The following ADAM28 variants were observed in gnomAD, a reference collection of about 807,000 sequenced individuals.
ADAM28 encodes disintegrin and metalloproteinase domain-containing protein 28.
Under a neutral mutation model 101.2 loss-of-function variants are expected in ADAM28, and 105 were observed. The ratio of observed to expected loss-of-function variants is 1.04; its 90% confidence interval spans 0.89 to 1.22. ADAM28 has a LOEUF of 1.22. ADAM28 is among the 50% of genes most tolerant of loss of function. The probability of loss-of-function intolerance (pLI) is 0.00; values close to 1 mark genes in which losing one functional copy is unlikely to be tolerated. For missense variants in ADAM28, 1,028 were observed against 945.4 expected (o/e 1.09, Z -1.15); for synonymous variants, 322 against 310.6 (o/e 1.04, Z -0.39).
chr8:24,339,849 C>G (rs1814551484), intron 15 of ADAM28, among the ~76,000 whole-genome samples: 1 of 152,122 alleles, frequency 6.6e-6, no homozygotes, highest in African/African-American at 2.4e-5. Flanking sequence ...TGTGATGGAA[C>G]ATGCCACAAA....
In ADAM28 at chr8:24,331,260, T is replaced by A; in HGVS notation, c.1214T>A (p.Ile405Lys). The A allele has an allele frequency of 1.9e-6, 3 of 1,612,896 alleles. No homozygotes were observed. Among genetic ancestry groups the A allele is most frequent in the Non-Finnish European group, 2.5e-6 (3 of 1,179,366 alleles). The change falls in exon 12 of 23, where the codon ATA (isoleucine) becomes AAA (lysine). Residue 405 changes from isoleucine (I) to lysine (K), a missense_variant. Transcript: ENST00000265769. ...AATGCTCCATTGCCTACAGATATCA[T>A]ATCCACTCCAATTTGTGGGAACCAG... ...LFNAPLPTDI[I>K]STPICGNQLV...
In ADAM28 at chr8:24,313,526, G is replaced by A; in HGVS notation, c.522G>A (p.Val174=). ...ACAGCACCTGTGGGATGGATGGTGTGTTGTGGGCCCACGATTTGCAGCAGA... is the reference window on the plus strand; with the variant it reads ...ACAGCACCTGTGGGATGGATGGTGTATTGTGGGCCCACGATTTGCAGCAGA... ...NYDSTCGMDG[V]LWAHDLQQNI... is the part of the protein sequence containing the mutation. Residue 174 remains valine (V), a synonymous_variant, in exon 6 of 23, where the codon GTG becomes GTA. Coordinates refer to ENST00000265769, the MANE Select transcript of ADAM28 (RefSeq NM_014265.6). The A allele has an allele frequency of 6.2e-7, 1 of 1,613,898 alleles. No individual in the cohort carries two copies. Among genetic ancestry groups the A allele is most frequent in the South Asian group, 1.1e-5 (1 of 91,076 alleles).
intron 7 of ADAM28, 83 bp from the exon 8 acceptor site, chr8:24,321,135 A>C (rs1343921972): frequency 1.3e-6 from 1 of 742,288 alleles, no homozygotes; most frequent in Non-Finnish European, 2.3e-6. Context: ...AATAATAAGT[A>C]ATATAAGAGA....
Position 24,323,883 on chromosome 8 carries a change from G to A in ADAM28, c.770G>A (p.Trp257Ter), listed in dbSNP as rs760553934. The A allele has an allele frequency of 1.2e-6, 2 of 1,612,066 alleles. No individual in the cohort carries two copies. Among genetic ancestry groups the A allele is most frequent in the South Asian group, 1.1e-5 (1 of 91,016 alleles). The change falls in exon 9 of 23, where the codon TGG becomes TAG. Residue 257 changes from tryptophan (W) to a stop codon, truncating the protein, a stop_gained. Transcript: ENST00000265769. LOFTEE classifies it high-confidence loss of function. ...GTGGCCTTAGTTGGTATGGAAATCTGGACTGACAAGGATAAGATAAAGATA... is the reference window on the plus strand; with the variant it reads ...GTGGCCTTAGTTGGTATGGAAATCTAGACTGACAAGGATAAGATAAAGATA... The part of the protein sequence containing the change: ...THVALVGMEI[W>*]TDKDKIKITP...
At chr8:24,305,212 T>A (rs143840715) in intron 2 of ADAM28, among the ~76,000 whole-genome samples, 1 of 152,152 alleles carries the variant, frequency 6.6e-6, no homozygotes, top group East Asian at 1.9e-4. Context: ...TAGTCTTTGT[T>A]AAGCTGACTT....
rs1310848308 is a variant in ADAM28, at chr8:24,341,742, G to A, written c.1815G>A (p.Lys605=). The A allele has an allele frequency of 6.2e-7, 1 of 1,613,684 alleles. No homozygotes were observed. The highest frequency in any genetic ancestry group is 1.3e-5 in the African/African-American group (1 of 75,024). The part of the protein sequence containing the change: ...QEIGMVANGT[K]CGDNKVCINA... ...TAGGCATGGTGGCCAATGGAACTAA[G>A]TGTGGCGATAACAAGGTAAGTTGAA... The change falls in exon 16 of 23, where the codon AAG becomes AAA. Residue 605 remains lysine, a synonymous_variant. Transcript: ENST00000265769.
At position 24,323,897 on chromosome 8, in the gene ADAM28, A is replaced by T; in HGVS notation, c.784A>T (p.Lys262Ter). 1 of 1,612,290 alleles carries T rather than the reference A, an allele frequency of 6.2e-7. No homozygotes were observed. Residue 262 changes from lysine (K) to a stop codon, truncating the protein, a stop_gained, in exon 9 of 23, where the codon AAG becomes TAG. Coordinates refer to ENST00000265769, the MANE Select transcript of ADAM28 (RefSeq NM_014265.6). LOFTEE classifies it high-confidence loss of function. ...VGMEIWTDKD[K>*]IKITPNASFT... Reference sequence around the variant, plus strand: ...TATGGAAATCTGGACTGACAAGGATAAGATAAAGATAACCCCAAATGCAAG... The same window carrying T: ...TATGGAAATCTGGACTGACAAGGATTAGATAAAGATAACCCCAAATGCAAG...
chr8:24,350,073 C>A, intron 19 of ADAM28, 101 bp downstream of exon 19: 1 of 1,028,498 alleles, frequency 9.7e-7, no homozygotes, highest in South Asian at 2.0e-5. Context: ...AATTGGTTTA[C>A]TTCTAATATT....
At chr8:24,307,701 T>C (rs543409291) in intron 2 of ADAM28, among the ~76,000 whole-genome samples, 1 of 152,320 alleles carries the variant, frequency 6.6e-6, no homozygotes, top group Non-Finnish European at 1.5e-5. Context: ...AAGTCCCTGA[T>C]GCTGGGAACT....
Position 24,353,810 on chromosome 8 carries a change from A to G in ADAM28, c.2285A>G (p.Asp762Gly), listed in dbSNP as rs1425156113. Residue 762 changes from aspartate to glycine, a missense_variant, in exon 22 of 23, where the codon GAT (aspartate) becomes GGT (glycine). Physicochemically the swap from Asp to Gly is moderately conservative, Grantham distance 94. Transcript: ENST00000265769. ...GCACTTCCCCCTACTGTTTTCAAGG[A>G]TAATCCAGTGTCTACACCTAAGGTA... is the stretch of plus-strand genomic sequence containing the variant. ...TNALPPTVFK[D>G]NPVSTPKDSN... 1.3e-6 allele frequency: 2 copies of G among 1,523,784 alleles called. No individual in the cohort carries two copies. Among genetic ancestry groups the G allele is most frequent in the Non-Finnish European group, 1.8e-6 (2 of 1,098,280 alleles). The allele number at this position is 1,523,784 out of a possible 1,614,324, so 94.4% of individuals were successfully genotyped here.
At chr8:24,294,223 T>C (rs1366535848) in intron 1 of ADAM28, 28 bp downstream of exon 1, 4 of 1,612,516 alleles carry the variant, frequency 2.5e-6, no homozygotes, top group Non-Finnish European at 2.5e-6. Context: ...TTTCAGGTTC[T>C]ATTGAATGCA....
At chr8:24,305,235 T>C (rs1395557481) in intron 2 of ADAM28, among the ~76,000 whole-genome samples, 1 of 152,020 alleles carries the variant, frequency 6.6e-6, no homozygotes, top group African/African-American at 2.4e-5. Context: ...CATATTCATA[T>C]ATACACTAAT....
chr8:24,297,159 G>GGTT (rs1554502776), intron 1 of ADAM28, among the ~76,000 whole-genome samples: 2 of 144,548 alleles, frequency 1.4e-5, no homozygotes, highest in Non-Finnish European at 3.0e-5. Context: ...AATGTTGTGG[G>GGTT]TTTTTTTTTG....
intron 6 of ADAM28, among the ~76,000 whole-genome samples, chr8:24,317,793 A>G (rs1297132597): frequency 6.6e-6 from 1 of 151,998 alleles, no homozygotes; most frequent in African/African-American, 2.4e-5. Flanking sequence ...AGAGAATAAA[A>G]CAGTGGTTAC....
In ADAM28 at chr8:24,356,104, G is replaced by A. The variant is rs940893932; in HGVS notation, c.*1700G>A. The A allele has an allele frequency of 6.6e-6, 1 of 152,132 alleles. No homozygotes were observed. Among genetic ancestry groups the A allele is most frequent in the African/African-American group, 2.4e-5 (1 of 41,430 alleles). The allele number at this position is 152,132 out of a possible 1,614,324, so 9.4% of individuals were successfully genotyped here. On this transcript the variant is annotated 3_prime_UTR_variant, in exon 23 of 23. Transcript: ENST00000265769. ...TCCAGAGTCCACTGATCAAATCACT[G>A]TCAAGGATACAGGCTTTTTCTCCAT...
chr8:24,308,297 T>C (rs936009277), intron 2 of ADAM28, among the ~76,000 whole-genome samples: 3 of 152,180 alleles, frequency 2.0e-5, no homozygotes, highest in African/African-American at 4.8e-5. Context: ...CTTTCAAAAG[T>C]ATTATTATTA....
At chr8:24,311,729 C>T (rs1228179915) in intron 5 of ADAM28, among the ~76,000 whole-genome samples, 3 of 152,006 alleles carry the variant, frequency 2.0e-5, no homozygotes, top group Non-Finnish European at 4.4e-5. Flanking sequence ...TCTCTCTTCT[C>T]GCTCTTCACT....
intron 20 of ADAM28, chr8:24,351,680 T>C (rs1816162382): frequency 1.1e-5 from 5 of 456,808 alleles, no homozygotes; most frequent in Middle Eastern, 6.0e-4. Context: ...ATAATACATG[T>C]AATATTTATA....
intron 6 of ADAM28, among the ~76,000 whole-genome samples, chr8:24,315,918 T>C (rs1811102710): frequency 6.6e-6 from 1 of 151,966 alleles, no homozygotes; most frequent in African/African-American, 2.4e-5. Context: ...TACATGATCA[T>C]ATCAATTGGT....
Sources: gnomAD v4.1 joint callset for allele counts (sites outside exome capture counted in the v4.1 genomes callset) on GRCh38, gnomAD v4.1.1 for gene constraint, MANE v1.5 for transcripts, NCBI Gene and HGNC (gene_info 2026-07-23, HGNC 2026-07-21) for gene names.